Variants in PDGFD observed in about 807,000 individuals in gnomAD.
PDGFD encodes the protein platelet derived growth factor D.
A neutral mutation model predicts 44.7 loss-of-function variants in PDGFD; 30 were observed. The observed-to-expected ratio is 0.67, with a 90% CI of 0.50 to 0.91. PDGFD has a LOEUF of 0.91. Among genes scored for constraint, PDGFD ranks in the 40% least tolerant of loss-of-function variants. The pLI is 0.00. For missense variants in PDGFD, 445 were observed against 457.8 expected (o/e 0.97, Z 0.25); for synonymous variants, 173 against 168.4 (o/e 1.03, Z -0.21).
chr11:104,046,103 T>C (rs260814), intron 1 of PDGFD, among the ~76,000 whole-genome samples: 91,730 of 146,142 alleles, frequency 0.63, 32,528 homozygotes, highest in Admixed American at 0.73. Context: ...GAAAGTAAAA[T>C]GGCAAAGTGA....
At chr11:104,046,796 G>C (rs1860447959) in intron 1 of PDGFD, among the ~76,000 whole-genome samples, 1 of 146,440 alleles carries the variant, frequency 6.8e-6, no homozygotes, top group Admixed American at 6.9e-5. Context: ...GAACGTGAAG[G>C]TTTGTTACAC....
chr11:103,921,121 C>T (rs1220284631), intron 6 of PDGFD, among the ~76,000 whole-genome samples: 8 of 152,134 alleles, frequency 5.3e-5, no homozygotes, highest in Non-Finnish European at 1.0e-4. Context: ...AAGTTTTCTG[C>T]TCTATTGCCC....
intron 5 of PDGFD, among the ~76,000 whole-genome samples, chr11:103,932,311 A>G (rs1289051060): frequency 6.6e-6 from 1 of 152,104 alleles, no homozygotes; most frequent in African/African-American, 2.4e-5. Context: ...TTAAACCTCT[A>G]TTATAAAATA....
At chr11:104,006,835 G>A (rs1046902528) in intron 1 of PDGFD, among the ~76,000 whole-genome samples, 19 of 152,170 alleles carry the variant, frequency 1.2e-4, no homozygotes, top group African/African-American at 4.3e-4. Flanking sequence ...GGTGAGAGCC[G>A]CCTCCACCAT....
chr11:104,030,868 C>T (rs921580410), intron 1 of PDGFD, among the ~76,000 whole-genome samples: 8 of 152,100 alleles, frequency 5.3e-5, no homozygotes, highest in African/African-American at 1.7e-4. Context: ...CCCATTCACT[C>T]CCTGCACCCC....
At chr11:104,145,496 A>G (rs1862149491) in intron 1 of PDGFD, among the ~76,000 whole-genome samples, 1 of 152,212 alleles carries the variant, frequency 6.6e-6, no homozygotes, top group Admixed American at 6.6e-5. Context: ...GTCTTTAAGT[A>G]TGTCTCATAC....
chr11:103,937,365 C>G (rs1361701371), intron 5 of PDGFD, among the ~76,000 whole-genome samples: 1 of 152,000 alleles, frequency 6.6e-6, no homozygotes, highest in East Asian at 1.9e-4. Flanking sequence ...TCAAGTTCTC[C>G]TGGAATAAGA....
intron 1 of PDGFD, among the ~76,000 whole-genome samples, chr11:104,005,767 T>C (rs1173978603): frequency 1.3e-5 from 2 of 152,360 alleles, no homozygotes; most frequent in East Asian, 3.9e-4. Flanking sequence ...GGAATCAAGA[T>C]ATGACCTTAG....
At chr11:103,939,657 T>A (rs1431850485) in intron 5 of PDGFD, among the ~76,000 whole-genome samples, 1 of 152,140 alleles carries the variant, frequency 6.6e-6, no homozygotes, top group African/African-American at 2.4e-5. Flanking sequence ...TTATGTAGCT[T>A]ACAGAAAGAA....
intron 3 of PDGFD, among the ~76,000 whole-genome samples, chr11:103,965,094 G>A (rs1225527007): frequency 1.3e-5 from 2 of 151,822 alleles, no homozygotes; most frequent in African/African-American, 4.8e-5. Context: ...CCTCTGAAAA[G>A]GAAAACTTTT....
chr11:103,985,879 A>G (rs1859355518), intron 3 of PDGFD, among the ~76,000 whole-genome samples: 1 of 152,130 alleles, frequency 6.6e-6, no homozygotes, highest in Non-Finnish European at 1.5e-5. Flanking sequence ...GGAGGGAGGG[A>G]GACCAATCAG....
intron 1 of PDGFD, among the ~76,000 whole-genome samples, chr11:104,131,992 CAAAA>C (rs1565344458): frequency 6.8e-6 from 1 of 148,072 alleles, no homozygotes; most frequent in Non-Finnish European, 1.5e-5. Flanking sequence ...CAAAACAAAA[CAAAA>C]CAAAAAAAAC....
chr11:103,968,608 C>T (rs533998953), intron 3 of PDGFD, among the ~76,000 whole-genome samples: 1 of 152,314 alleles, frequency 6.6e-6, no homozygotes, highest in South Asian at 2.1e-4. Flanking sequence ...ATCTTCTAGT[C>T]TATGCTTCAA....
intron 1 of PDGFD, among the ~76,000 whole-genome samples, chr11:104,044,164 G>C (rs1187011492): frequency 6.6e-6 from 1 of 152,196 alleles, no homozygotes; most frequent in African/African-American, 2.4e-5. Flanking sequence ...AGCAGTTATA[G>C]AAATGCTTGG....
At chr11:103,918,704 G>C (rs1405035439) in intron 6 of PDGFD, among the ~76,000 whole-genome samples, 1 of 152,172 alleles carries the variant, frequency 6.6e-6, no homozygotes, top group Non-Finnish European at 1.5e-5. Flanking sequence ...GACAAGACAG[G>C]AGAGCACTAT....
chr11:103,968,703 C>T lies in PDGFD; in HGVS notation c.511-20979G>A, dbSNP rs768803052. ...TTCTCAATTCTTGCAGAGCTGTAGT[C>T]GCCTTCCATTGGCCTGCCATATTGG... On this transcript the variant is annotated intron_variant, in intron 3 of 6. Coordinates refer to ENST00000393158, the MANE Select transcript of PDGFD (RefSeq NM_025208.5). 4.6e-5 allele frequency among the ~76,000 whole-genome samples: 7 copies of T among 152,280 alleles called. No individual in the cohort carries two copies. The Middle Eastern group carries it at 0.01, about 222-fold the overall frequency.
intron 3 of PDGFD, among the ~76,000 whole-genome samples, chr11:103,959,859 G>A (rs1192490397): frequency 1.3e-5 from 2 of 152,158 alleles, no homozygotes; most frequent in Non-Finnish European, 2.9e-5. Flanking sequence ...TCCAGGCTGG[G>A]AGGATCATTT....
chr11:104,084,760 AT>A (rs1218518337), intron 1 of PDGFD, among the ~76,000 whole-genome samples: 1 of 80,662 alleles, frequency 1.2e-5, no homozygotes, highest in African/African-American at 8.9e-5. Context: ...TAGTTTATAT[AT>A]TAATTATAAA....
intron 1 of PDGFD, among the ~76,000 whole-genome samples, chr11:104,134,655 G>A (rs911297072): frequency 3.3e-5 from 5 of 152,152 alleles, no homozygotes; most frequent in African/African-American, 1.2e-4. Flanking sequence ...TACACACACT[G>A]TATCTTCAAG....
Sources: allele counts gnomAD v4.1 joint callset (sites outside exome capture counted in the v4.1 genomes callset), GRCh38; gene constraint gnomAD v4.1.1; transcripts MANE v1.5; gene names NCBI Gene and HGNC (gene_info 2026-07-23, HGNC 2026-07-21).